ESR1: variants seen among roughly 807,000 people sequenced by gnomAD.
The protein encoded by ESR1 is estrogen receptor.
ESR1 carries 12 observed loss-of-function variants against 52.7 expected under a neutral mutation model. That is an observed-to-expected ratio of 0.23 (90% CI 0.15 to 0.37). The LOEUF (loss-of-function observed/expected upper bound fraction) is 0.37. Among genes scored for constraint, ESR1 ranks in the 10% least tolerant of loss-of-function variants. The pLI is 1.00. For synonymous variants in ESR1, 305 were observed against 316.8 expected (o/e 0.96, Z 0.39); for missense variants, 584 against 779.7 (o/e 0.75, Z 2.99).
intron 5 of ESR1, among the ~76,000 whole-genome samples, chr6:152,035,557 A>T (rs1230121651): frequency 6.6e-6 from 1 of 152,154 alleles, no homozygotes; most frequent in Non-Finnish European, 1.5e-5. Context: ...TATTTAGCTC[A>T]TTTAAAATGT....
intron 2 of ESR1, among the ~76,000 whole-genome samples, chr6:151,791,368 C>T (rs188228470): frequency 2.0e-5 from 3 of 152,274 alleles, no homozygotes; most frequent in African/African-American, 2.4e-5. Flanking sequence ...TTCTCTTTCA[C>T]GAGCTCTCTT....
intron 3 of ESR1, among the ~76,000 whole-genome samples, chr6:151,905,914 T>C (rs1797369200): frequency 6.6e-6 from 1 of 152,156 alleles, no homozygotes; most frequent in Non-Finnish European, 1.5e-5. Flanking sequence ...TCAAGGGCAA[T>C]AGATTAATAC....
At chr6:151,669,527 A>G (rs1298281503) in intron 1 of ESR1, among the ~76,000 whole-genome samples, 2 of 152,146 alleles carry the variant, frequency 1.3e-5, no homozygotes, top group Admixed American at 1.3e-4. Context: ...TCAAGTCCGA[A>G]CCAAGGGTGA....
chr6:152,063,709 C>A (rs1409285886), intron 6 of ESR1, among the ~76,000 whole-genome samples: 1 of 152,122 alleles, frequency 6.6e-6, no homozygotes, highest in Non-Finnish European at 1.5e-5. Context: ...CTCATGAGAC[C>A]AATGACCAAG....
intron 4 of ESR1, among the ~76,000 whole-genome samples, chr6:152,006,836 A>G (rs1233043577): frequency 1.3e-5 from 2 of 152,062 alleles, no homozygotes; most frequent in Admixed American, 6.6e-5. Flanking sequence ...TCAGGAAACC[A>G]ATATTTTTTT....
Position 151,658,157 on chromosome 6 carries a change from G to C in ESR1, n.73+1394G>C, listed in dbSNP as rs145761331. The stretch of plus-strand genomic sequence containing the variant: ...CGTTAACTGCAGCCCACACTGCAGT[G>C]TCTTGACTGCAGTAGGCACTCAGTA... On this transcript the variant is annotated intron_variant and non_coding_transcript_variant, in intron 1 of 2. Transcript: ENST00000473497. Among the ~76,000 whole-genome samples, 28 of 152,324 alleles carry C rather than the reference G, an allele frequency of 1.8e-4. No individual in the cohort carries two copies. The East Asian group carries it at 5.0e-3, about 27-fold the overall frequency.
At chr6:151,780,116 C>CCACAAGTTT (rs1293675282) in intron 2 of ESR1, among the ~76,000 whole-genome samples, 2 of 149,780 alleles carry the variant, frequency 1.3e-5, no homozygotes, top group East Asian at 3.9e-4. Context: ...TCCACAAGTT[C>CCACAAGTTT]CACAAGTTTC....
At chr6:151,965,398 G>A (rs1199596853) in intron 4 of ESR1, among the ~76,000 whole-genome samples, 2 of 152,134 alleles carry the variant, frequency 1.3e-5, no homozygotes, top group African/African-American at 2.4e-5. Context: ...GAAATTTCAT[G>A]TGGAAGGATA....
chr6:152,078,833 G>T lies in ESR1; in HGVS notation c.1370-15552G>T, dbSNP rs1294683369. 2.0e-5 allele frequency among the ~76,000 whole-genome samples: 3 copies of T among 152,222 alleles called. No individual in the cohort carries two copies. In the East Asian group the frequency reaches 5.8e-4, roughly 29 times the overall value. On this transcript the variant is annotated intron_variant, in intron 6 of 7. Transcript: ENST00000206249. ...ACCAGGAGATACCCTCCCTTGCCTGGCTCAGTGGGTCACACGCCCATGGAG... is the reference window on the plus strand; with the variant it reads ...ACCAGGAGATACCCTCCCTTGCCTGTCTCAGTGGGTCACACGCCCATGGAG...
At chr6:152,116,703 T>A (rs994637057) in intron 6 of ESR1, among the ~76,000 whole-genome samples, 14 of 151,746 alleles carry the variant, frequency 9.2e-5, no homozygotes, top group Non-Finnish European at 1.8e-4. Context: ...ATATACTATA[T>A]TATTAGTTAT....
intron 2 of ESR1, among the ~76,000 whole-genome samples, chr6:151,745,358 T>C (rs1783406987): frequency 6.6e-6 from 1 of 152,188 alleles, no homozygotes; most frequent in South Asian, 2.1e-4. Context: ...GCATTGGTGC[T>C]TATGGGATAG....
intron 6 of ESR1, among the ~76,000 whole-genome samples, chr6:152,092,214 T>C (rs984085971): frequency 5.3e-5 from 8 of 152,248 alleles, no homozygotes; most frequent in Non-Finnish European, 8.8e-5. Context: ...AATTCAGCAG[T>C]TTCCTTCTTA....
intron 4 of ESR1, among the ~76,000 whole-genome samples, chr6:151,974,890 C>T (rs1010374972): frequency 3.9e-5 from 6 of 152,314 alleles, no homozygotes; most frequent in East Asian, 3.9e-4. Flanking sequence ...GTCTTTTCTA[C>T]GTGTTTGATC....
intron 4 of ESR1, among the ~76,000 whole-genome samples, chr6:151,959,311 A>G (rs913387366): frequency 6.6e-6 from 1 of 152,208 alleles, no homozygotes; most frequent in Admixed American, 6.5e-5. Context: ...CATTTGTGAC[A>G]GCATAAGTTC....
chr6:152,045,867 G>T (rs1203524054), intron 5 of ESR1, among the ~76,000 whole-genome samples: 1 of 152,218 alleles, frequency 6.6e-6, no homozygotes, highest in African/African-American at 2.4e-5. Context: ...CCTTCTTGTG[G>T]AAGTTAGTAA....
intron 1 of ESR1, among the ~76,000 whole-genome samples, chr6:151,840,408 TA>T (rs1288883282): frequency 6.6e-6 from 1 of 152,134 alleles, no homozygotes; most frequent in East Asian, 1.9e-4. Flanking sequence ...TAATGAACAT[TA>T]AAAAATAAAG....
chr6:152,001,792 CTCTT>C (rs1217960048), intron 4 of ESR1, among the ~76,000 whole-genome samples: 2 of 151,964 alleles, frequency 1.3e-5, no homozygotes, highest in Non-Finnish European at 2.9e-5. Flanking sequence ...GTTGCTCTCT[CTCTT>C]TGTTGCTGAA....
intron 2 of ESR1, among the ~76,000 whole-genome samples, chr6:151,718,230 A>G (rs1781197541): frequency 6.6e-6 from 1 of 152,220 alleles, no homozygotes. Flanking sequence ...TTGTCTATGA[A>G]TTAGTAATAA....
chr6:152,011,174 A>G (rs2042735558), intron 4 of ESR1, among the ~76,000 whole-genome samples: 1 of 152,152 alleles, frequency 6.6e-6, no homozygotes, highest in Non-Finnish European at 1.5e-5. Flanking sequence ...CATATTACAA[A>G]AAAAGAGTGT....
Sources: gnomAD v4.1 joint callset for allele counts (sites outside exome capture counted in the v4.1 genomes callset) on GRCh38, gnomAD v4.1.1 for gene constraint, MANE v1.5 for transcripts, NCBI Gene and HGNC (gene_info 2026-07-23, HGNC 2026-07-21) for gene names.